The following TOX variants were observed in gnomAD, a reference collection of about 807,000 sequenced individuals.
TOX encodes thymocyte selection associated high mobility group box, also known as thymocyte selection-associated high mobility group box protein TOX.
In TOX, 11 loss-of-function variants were observed where a neutral mutation model predicts 53.7. The ratio of observed to expected loss-of-function variants is 0.20; its 90% CI spans 0.13 to 0.34. The LOEUF is 0.34. TOX is among the 10% of genes least tolerant of loss of function. The probability of loss-of-function intolerance (pLI) is 1.00; values close to 1 mark genes in which losing one functional copy is unlikely to be tolerated. For synonymous variants in TOX, 225 were observed against 245.3 expected (o/e 0.92, Z 0.77); for missense variants, 570 against 664.6 (o/e 0.86, Z 1.56).
chr8:58,988,598 A>G (rs748257766), intron 1 of TOX, among the ~76,000 whole-genome samples: 3 of 152,360 alleles, frequency 2.0e-5, no homozygotes, highest in Middle Eastern at 3.4e-3. Flanking sequence ...ACTCACAAAA[A>G]TAAGGGTTTT....
intron 1 of TOX, among the ~76,000 whole-genome samples, chr8:59,077,793 T>C (rs1000946914): frequency 6.6e-6 from 1 of 152,208 alleles, no homozygotes; most frequent in African/African-American, 2.4e-5. Context: ...AAATGTGCTA[T>C]TAAAAAAGGA....
intron 3 of TOX, among the ~76,000 whole-genome samples, chr8:58,876,568 T>C (rs1416679252): frequency 6.6e-6 from 1 of 152,188 alleles, no homozygotes; most frequent in East Asian, 1.9e-4. Context: ...AAAGTTTATG[T>C]GATCAGTTTC....
At position 59,003,686 on chromosome 8, in the gene TOX, T is replaced by C. The variant is rs139324951; in HGVS notation, c.103-43678A>G. Among the ~76,000 whole-genome samples, 159 of 152,334 alleles carry C rather than the reference T, an allele frequency of 1.0e-3. 2 individuals are homozygous for C. Among genetic ancestry groups the C allele is most frequent in the African/African-American group, 3.7e-3 (155 of 41,586 alleles). ...CCCTAAATGGTAAAATGAAAATCAA[T>C]TTGAAATATGGGATGAATAAAGTAT... On this transcript the variant is annotated intron_variant, in intron 1 of 8. Coordinates refer to ENST00000361421, the MANE Select transcript of TOX (RefSeq NM_014729.3).
intron 1 of TOX, among the ~76,000 whole-genome samples, chr8:58,995,037 C>T (rs1456763659): frequency 6.6e-6 from 1 of 152,168 alleles, no homozygotes; most frequent in Admixed American, 6.5e-5. Context: ...ACTATGAGCT[C>T]ATCAGTGTCA....
chr8:58,897,953 G>A (rs1449287469), intron 3 of TOX, among the ~76,000 whole-genome samples: 1 of 152,050 alleles, frequency 6.6e-6, no homozygotes, highest in Non-Finnish European at 1.5e-5. Context: ...ATTTAATACT[G>A]ATTACCTATA....
At chr8:58,984,993 G>A (rs1813299759) in intron 1 of TOX, among the ~76,000 whole-genome samples, 1 of 150,710 alleles carries the variant, frequency 6.6e-6, no homozygotes, top group African/African-American at 2.4e-5. Context: ...ATTGAAAACT[G>A]AGTCTATATA....
At chr8:59,046,958 A>C (rs999535123) in intron 1 of TOX, among the ~76,000 whole-genome samples, 1 of 151,794 alleles carries the variant, frequency 6.6e-6, no homozygotes, top group African/African-American at 2.4e-5. Context: ...TCCACCACGC[A>C]GTGACATGTT....
rs1430199472 is a variant in TOX at position 58,851,072 on chromosome 8, T to C, written c.693+452A>G. On this transcript the variant is annotated intron_variant, in intron 4 of 8. Transcript: ENST00000361421. The surrounding 1 kb of genome is among the most constrained non-coding windows in gnomAD (Gnocchi z 4.4). Reference sequence around the variant, plus strand: ...CATCTAATATCCCTGGCACTTACTTTCCACGTCCTCAATATGAAATGGTTG... The same window carrying C: ...CATCTAATATCCCTGGCACTTACTTCCCACGTCCTCAATATGAAATGGTTG... Among the ~76,000 whole-genome samples, 2 of 152,106 alleles carry C rather than the reference T, an allele frequency of 1.3e-5. No individual in the cohort carries two copies. Among genetic ancestry groups the C allele is most frequent in the Non-Finnish European group, 2.9e-5 (2 of 68,018 alleles).
intron 1 of TOX, among the ~76,000 whole-genome samples, chr8:59,102,908 T>C (rs938686623): frequency 3.2e-4 from 48 of 152,124 alleles, no homozygotes; most frequent in African/African-American, 7.2e-5. Context: ...CAAACTATCA[T>C]CATAGTTGTT....
chr8:58,853,866 G>C (rs1810866635), intron 3 of TOX, among the ~76,000 whole-genome samples: 1 of 152,096 alleles, frequency 6.6e-6, no homozygotes, highest in Admixed American at 6.6e-5. Context: ...CAAGGACAGA[G>C]GGTACCATGA....
At chr8:58,883,703 T>C (rs1811422747) in intron 3 of TOX, among the ~76,000 whole-genome samples, 1 of 152,166 alleles carries the variant, frequency 6.6e-6, no homozygotes, top group Non-Finnish European at 1.5e-5. Flanking sequence ...GTAGGATTTC[T>C]ATGAACATTG....
At chr8:59,045,118 C>T (rs1350278144) in intron 1 of TOX, among the ~76,000 whole-genome samples, 1 of 152,048 alleles carries the variant, frequency 6.6e-6, no homozygotes, top group Non-Finnish European at 1.5e-5. Context: ...TAGACTTTTT[C>T]TTCCTAGACA....
intron 1 of TOX, among the ~76,000 whole-genome samples, chr8:59,098,501 T>C (rs1231620882): frequency 6.6e-6 from 1 of 151,938 alleles, no homozygotes; most frequent in Non-Finnish European, 1.5e-5. Context: ...GTATTATATG[T>C]GTGAAAGATG....
chr8:59,109,272 T>C (rs1336440283), intron 1 of TOX, among the ~76,000 whole-genome samples: 8 of 152,152 alleles, frequency 5.3e-5, no homozygotes, highest in Admixed American at 5.2e-4. Flanking sequence ...ACTAATTCAG[T>C]CAATGACTGT....
intron 1 of TOX, among the ~76,000 whole-genome samples, chr8:59,031,549 G>A (rs1277080501): frequency 1.3e-5 from 2 of 152,166 alleles, no homozygotes; most frequent in African/African-American, 4.8e-5. Flanking sequence ...AGTGGGGAGA[G>A]GCAAACAAGG....
At chr8:58,956,208 TAAC>T (rs1217326673) in intron 2 of TOX, among the ~76,000 whole-genome samples, 1 of 152,324 alleles carries the variant, frequency 6.6e-6, no homozygotes, top group African/African-American at 2.4e-5. Context: ...ATTTATATCT[TAAC>T]AACAGCCTCA....
chr8:59,017,497 A>G (rs1814038385), intron 1 of TOX, among the ~76,000 whole-genome samples: 1 of 152,226 alleles, frequency 6.6e-6, no homozygotes, highest in African/African-American at 2.4e-5. Context: ...GTCTTAAACT[A>G]GTATTGAATG....
chr8:59,011,767 G>C (rs1447729071), intron 1 of TOX, among the ~76,000 whole-genome samples: 1 of 152,128 alleles, frequency 6.6e-6, no homozygotes, highest in Non-Finnish European at 1.5e-5. Flanking sequence ...TGGAAGATGA[G>C]GTGAGATTAG....
chr8:58,867,746 G>A (rs926929823), intron 3 of TOX, among the ~76,000 whole-genome samples: 4 of 152,062 alleles, frequency 2.6e-5, no homozygotes, highest in African/African-American at 9.7e-5. Flanking sequence ...TGAGCAGCAG[G>A]GCACGAATTT....
Sources: gnomAD v4.1 joint callset for allele counts (sites outside exome capture counted in the v4.1 genomes callset) on GRCh38, gnomAD v4.1.1 for gene constraint, Gnocchi (gnomAD v3.1) non-coding constraint, MANE v1.5 for transcripts, NCBI Gene and HGNC (gene_info 2026-07-23, HGNC 2026-07-21) for gene names.